Variants in C11orf65 observed in about 807,000 individuals in gnomAD.
C11orf65 encodes the protein protein MFI.
C11orf65 carries 38 observed loss-of-function variants against 35.3 expected under a neutral mutation model. That is an observed-to-expected ratio of 1.08 (90% CI 0.83 to 1.41). The LOEUF is 1.41. Ranked by LOEUF, C11orf65 falls within the 40% of genes most tolerant of loss-of-function variation. The pLI is 0.00. For synonymous variants in C11orf65, 105 were observed against 114.4 expected (o/e 0.92, Z 0.53); for missense variants, 370 against 367.1 (o/e 1.01, Z -0.06).
intron 2 of C11orf65, among the ~76,000 whole-genome samples, chr11:108,354,486 T>C (rs984196973): frequency 6.6e-6 from 1 of 152,224 alleles, no homozygotes; most frequent in Non-Finnish European, 1.5e-5. Flanking sequence ...TCAACTTGGA[T>C]TGGGGCAGAT....
At chr11:108,373,296 T>C (rs1328639766) in intron 2 of C11orf65, among the ~76,000 whole-genome samples, 2 of 152,156 alleles carry the variant, frequency 1.3e-5, no homozygotes, top group African/African-American at 4.8e-5. Flanking sequence ...GAAAATTCAG[T>C]ACTCATTCAT....
intron 2 of C11orf65, among the ~76,000 whole-genome samples, chr11:108,339,191 A>G (rs2087203070): frequency 6.6e-6 from 1 of 152,202 alleles, no homozygotes; most frequent in African/African-American, 2.4e-5. Flanking sequence ...TTTCTCCACC[A>G]AAACTATGCA....
intron 2 of C11orf65, among the ~76,000 whole-genome samples, chr11:108,342,715 A>G (rs1001509871): frequency 1.3e-5 from 2 of 152,184 alleles, no homozygotes; most frequent in African/African-American, 4.8e-5. Flanking sequence ...TTTCCTAGTA[A>G]AGTTGCTTAT....
intron 1 of C11orf65, 68 bp from the exon 2 acceptor site, chr11:108,461,636 ATT>A: frequency 9.2e-7 from 1 of 1,084,764 alleles, no homozygotes; most frequent in Non-Finnish European, 1.3e-6. Flanking sequence ...TTATTTATTT[ATT>A]TTTTTTAGAG....
chr11:108,382,916 C>T lies in C11orf65; in HGVS notation c.*105G>A. ...ACTTAACTGAGCTAGATTCTGTGCC[C>T]AGAATATATACACAAGTTATTCCAG... is the stretch of plus-strand genomic sequence containing the variant. On this transcript the variant is annotated 3_prime_UTR_variant, in exon 9 of 9. Coordinates refer to ENST00000393084, the MANE Select transcript of C11orf65 (RefSeq NM_152587.5). The T allele has an allele frequency of 6.4e-7, 1 of 1,559,330 alleles. No homozygotes were observed. Among genetic ancestry groups the T allele is most frequent in the Non-Finnish European group, 8.6e-7 (1 of 1,163,622 alleles).
chr11:108,373,007 G>A (rs997775654), intron 2 of C11orf65, among the ~76,000 whole-genome samples: 81 of 152,090 alleles, frequency 5.3e-4, no homozygotes, highest in African/African-American at 1.8e-3. Flanking sequence ...TTGAACCCAA[G>A]AGGCAGAGGT....
Position 108,393,343 on chromosome 11 carries a change from T to C in C11orf65, c.596A>G (p.His199Arg). ...YSGSLEAKSTHHETLGLIHTA... is the reference protein window; with the variant it reads ...YSGSLEAKSTRHETLGLIHTA... The stretch of plus-strand genomic sequence containing the variant: ...GTGAATTAGTCCTAGAGTTTCATGA[T>C]GTGTTGACTTAGCCTCCAGACTTCC... Residue 199 changes from histidine (H) to arginine (R), a missense_variant, in exon 7 of 9, where the codon CAT becomes CGT. By Grantham distance (29) the His-to-Arg change is conservative. Coordinates refer to ENST00000393084, the MANE Select transcript of C11orf65 (RefSeq NM_152587.5). The C allele has an allele frequency of 6.2e-7, 1 of 1,614,090 alleles. No individual in the cohort carries two copies. Among genetic ancestry groups the C allele is most frequent in the South Asian group, 1.1e-5 (1 of 91,082 alleles).
rs1348633333 is a variant in C11orf65 at position 108,405,410 on chromosome 11, A to T, written c.560+19T>A. Reference sequence around the variant, plus strand: ...CCAAAATACTACGTATTTCCTTAGTAAGTGTTTCATCAACTTACATTTGCC... The same window carrying T: ...CCAAAATACTACGTATTTCCTTAGTTAGTGTTTCATCAACTTACATTTGCC... On this transcript the variant is annotated intron_variant, in intron 6 of 8. Transcript: ENST00000393084. 1 of 1,606,048 alleles carries T rather than the reference A, an allele frequency of 6.2e-7. No homozygotes were observed. The highest frequency in any genetic ancestry group is 8.5e-7 in the Non-Finnish European group (1 of 1,177,380).
upstream of C11orf65, among the ~76,000 whole-genome samples, chr11:108,469,793 T>A (rs1299263654): frequency 6.6e-6 from 1 of 151,974 alleles, no homozygotes. Flanking sequence ...AAGTGTTAGG[T>A]TTATTCATTT....
chr11:108,315,955 T>C (rs2136124159), intron 6 of C11orf65: 1 of 1,607,596 alleles, frequency 6.2e-7, no homozygotes, highest in Non-Finnish European at 8.5e-7. Flanking sequence ...ATTCTGTTTA[T>C]GAAGGAGTTA....
chr11:108,370,366 T>C (rs2091525071), intron 2 of C11orf65, among the ~76,000 whole-genome samples: 1 of 152,060 alleles, frequency 6.6e-6, no homozygotes, highest in African/African-American at 2.4e-5. Context: ...AGTCATATCA[T>C]CTATGAGTAA....
In C11orf65 at chr11:108,334,947, A is replaced by G. The variant is rs746727859; in HGVS notation, c.299+273T>C. ...AAATAGTGTATCTGACCTATTATCA[A>G]TCATGTTTATACTTTTATTAGGTGG... On this transcript the variant is annotated intron_variant, in intron 3 of 3. Coordinates refer to the C11orf65 transcript ENST00000524755. The G allele has an allele frequency of 2.0e-5, 32 of 1,605,840 alleles. No homozygotes were observed. In the East Asian group the frequency reaches 2.0e-4, roughly 10 times the overall value.
intron 3 of C11orf65, among the ~76,000 whole-genome samples, chr11:108,332,430 C>G (rs184097514): frequency 2.0e-5 from 3 of 151,414 alleles, no homozygotes; most frequent in Admixed American, 2.0e-4. Flanking sequence ...GAAACTCTGT[C>G]TCAAATTAAT....
rs1298726851 is a variant in C11orf65, at chr11:108,405,512, A to T, written c.477T>A (p.Ser159Arg). The change falls in exon 6 of 9, where the codon AGT becomes AGA. Residue 159 changes from serine to arginine, a missense_variant. By Grantham distance (110) the Ser-to-Arg change is moderately radical. Transcript: ENST00000393084. ...DGMVVEDKKESEFHFSKLKRR... is the reference protein window; with the variant it reads ...DGMVVEDKKEREFHFSKLKRR... ...TCTTCAGTTTAGAGAAATGGAATTC[A>T]CTTTCCTTTTTGTCTTCCACCACCA... The T allele has an allele frequency of 6.2e-7, 1 of 1,613,314 alleles. No homozygotes were observed. The highest frequency in any genetic ancestry group is 1.3e-5 in the African/African-American group (1 of 74,886).
intron 2 of C11orf65, among the ~76,000 whole-genome samples, chr11:108,371,150 G>T (rs1451676661): frequency 6.6e-6 from 1 of 152,112 alleles, no homozygotes; most frequent in Non-Finnish European, 1.5e-5. Flanking sequence ...GAGAGAAGTG[G>T]TCATGATCTT....
chr11:108,468,989 C>T (rs1472681389), upstream of C11orf65, among the ~76,000 whole-genome samples: 5 of 151,930 alleles, frequency 3.3e-5, no homozygotes, highest in Non-Finnish European at 5.9e-5. Flanking sequence ...GGACTACAGG[C>T]GCCCTCCATG....
intron 6 of C11orf65, among the ~76,000 whole-genome samples, chr11:108,396,981 T>C (rs959997401): frequency 6.6e-6 from 1 of 152,040 alleles, no homozygotes; most frequent in East Asian, 1.9e-4. Flanking sequence ...AAAAGATCAC[T>C]TTATAAACAT....
chr11:108,464,392 G>C (rs2093508971), intron 1 of C11orf65, among the ~76,000 whole-genome samples: 1 of 151,732 alleles, frequency 6.6e-6, no homozygotes, highest in Non-Finnish European at 1.5e-5. Context: ...CGCCTCCTGG[G>C]TTCAAGCGAT....
chr11:108,318,963 GT>G lies in C11orf65; in HGVS notation c.641-9893del, dbSNP rs1479854121. On this transcript the variant is annotated intron_variant, in intron 6 of 6. Transcript: ENST00000525729. The stretch of plus-strand genomic sequence containing the variant: ...GGCTGAGGAGGGTGGATCACATGAG[GT>G]TAGGAATTCAAGACAAGCTTGGGCA... Among the ~76,000 whole-genome samples, 1 of 152,044 alleles carries G rather than the reference GT, an allele frequency of 6.6e-6. No individual in the cohort carries two copies. The highest frequency in any genetic ancestry group is 1.5e-5 in the Non-Finnish European group (1 of 68,000).
Sources: gnomAD v4.1 joint callset for allele counts (sites outside exome capture counted in the v4.1 genomes callset) on GRCh38, gnomAD v4.1.1 for gene constraint, MANE v1.5 for transcripts, NCBI Gene and HGNC (gene_info 2026-07-23, HGNC 2026-07-21) for gene names.